The following PTPRD variants were observed in gnomAD, a reference collection of about 807,000 sequenced individuals.
The protein encoded by PTPRD is protein tyrosine phosphatase receptor type D.
In PTPRD, 34 loss-of-function variants were observed where a neutral mutation model predicts 214.5. The ratio of observed to expected loss-of-function variants is 0.16; its 90% CI spans 0.12 to 0.21. PTPRD has a LOEUF of 0.21. Ranked by LOEUF, PTPRD falls within the 10% of genes least tolerant of loss-of-function variation. The probability of loss-of-function intolerance (pLI) is 1.00; values close to 1 mark genes in which losing one functional copy is unlikely to be tolerated. For synonymous variants in PTPRD, 1,128 were observed against 845.7 expected, an observed-to-expected ratio of 1.33 and a Z score of -5.79; for missense variants, 2,545 against 2,398.7, an observed-to-expected ratio of 1.06 and a Z score of -1.27.
chr9:8,827,524 T>C (rs144400725), intron 11 of PTPRD, among the ~76,000 whole-genome samples: 2 of 152,154 alleles, frequency 1.3e-5, no homozygotes, highest in African/African-American at 2.4e-5. Flanking sequence ...CAAGAATCAC[T>C]TGAACCCAGG....
At position 8,376,097 on chromosome 9, in the gene PTPRD, A is replaced by G. The variant is rs1450202774; in HGVS notation, c.4507-7T>C. On this transcript the variant is annotated splice_polypyrimidine_tract_variant and splice_region_variant and intron_variant, in intron 38 of 45. Coordinates refer to ENST00000381196, the MANE Select transcript of PTPRD (RefSeq NM_002839.4). ...TCTTCTCACTTGAACCATTCTGTGA[A>G]ATAGGAATATCAGCTGAAATTCTGT... The G allele has an allele frequency of 6.2e-7, 1 of 1,611,686 alleles. No individual in the cohort carries two copies. The highest frequency in any genetic ancestry group is 2.2e-5 in the East Asian group (1 of 44,840).
chr9:8,645,049 G>T (rs1021857976), intron 12 of PTPRD, among the ~76,000 whole-genome samples: 1 of 152,192 alleles, frequency 6.6e-6, no homozygotes, highest in South Asian at 2.1e-4. Flanking sequence ...TATAAAGATT[G>T]CACAGATAAT....
chr9:9,242,150 T>C (rs1336614837), intron 9 of PTPRD, among the ~76,000 whole-genome samples: 1 of 152,192 alleles, frequency 6.6e-6, no homozygotes, highest in Non-Finnish European at 1.5e-5. Flanking sequence ...AATTCTTTCC[T>C]TTAAGAATGT....
intron 37 of PTPRD, among the ~76,000 whole-genome samples, chr9:8,377,179 A>G (rs2083495444): frequency 6.6e-6 from 1 of 152,160 alleles, no homozygotes; most frequent in South Asian, 2.1e-4. Flanking sequence ...AAAAGTAGAA[A>G]TAATTGGAAA....
intron 8 of PTPRD, among the ~76,000 whole-genome samples, chr9:9,434,863 C>A (rs2084596682): frequency 6.8e-6 from 1 of 148,144 alleles, no homozygotes; most frequent in African/African-American, 2.5e-5. Flanking sequence ...AATATATAAT[C>A]TATAATATAT....
Position 9,173,361 on chromosome 9 carries a change from T to A in PTPRD, c.-143+9943A>T, listed in dbSNP as rs185710321. Among the ~76,000 whole-genome samples the A allele has an allele frequency of 2.4e-3, 364 of 152,284 alleles. 2 individuals carry two copies. The highest frequency in any genetic ancestry group is 2.9e-3 in the South Asian group (14 of 4,828). ...AACTTCCATTCTGTGTAGCTGGGTG[T>A]CTATTCGGATGGGTTGGTATCCATT... On this transcript the variant is annotated intron_variant, in intron 10 of 45. Coordinates refer to ENST00000381196, the MANE Select transcript of PTPRD (RefSeq NM_002839.4).
chr9:8,667,433 T>G (rs1373325025), intron 12 of PTPRD, among the ~76,000 whole-genome samples: 1 of 152,182 alleles, frequency 6.6e-6, no homozygotes, highest in Non-Finnish European at 1.5e-5. Flanking sequence ...ATGTACTGGT[T>G]AAGCTTCCCT....
At chr9:10,396,387 AGGATCTATTGGCCTATT>A (rs1375395573) in intron 2 of PTPRD, among the ~76,000 whole-genome samples, 2 of 151,974 alleles carry the variant, frequency 1.3e-5, no homozygotes, top group African/African-American at 4.8e-5. Flanking sequence ...GTAATTCTTC[AGGATCTATTGGCCTATT>A]GGACTCAAAC....
rs865822649 is a variant in PTPRD, at chr9:8,496,207, C to A, written c.2349+1035G>T. ...ACACACACACACACACACACACACA[C>A]ACAAACACACACACACACACACACT... is the stretch of plus-strand genomic sequence containing the variant. On this transcript the variant is annotated intron_variant, in intron 26 of 45. Coordinates refer to ENST00000381196, the MANE Select transcript of PTPRD (RefSeq NM_002839.4). Among the ~76,000 whole-genome samples, 872 of 123,144 alleles carry A rather than the reference C, an allele frequency of 7.1e-3. 7 individuals are homozygous for A. The highest frequency in any genetic ancestry group is 0.02 in the African/African-American group (713 of 35,610). 80.8% of individuals were successfully genotyped at this position (123,144 alleles called of 152,430 possible).
chr9:8,817,776 C>A (rs529409008), intron 11 of PTPRD, among the ~76,000 whole-genome samples: 120 of 152,326 alleles, frequency 7.9e-4, no homozygotes, highest in African/African-American at 2.7e-3. Flanking sequence ...TAACAACCAT[C>A]TTAAATTTCA....
intron 5 of PTPRD, among the ~76,000 whole-genome samples, chr9:9,850,130 T>C (rs2060264201): frequency 6.6e-6 from 1 of 152,148 alleles, no homozygotes; most frequent in African/African-American, 2.4e-5. Context: ...GATTTAACTT[T>C]AGACCAAAAA....
chr9:9,143,557 A>G (rs1020883337), intron 10 of PTPRD, among the ~76,000 whole-genome samples: 3 of 152,304 alleles, frequency 2.0e-5, no homozygotes, highest in African/African-American at 7.2e-5. Context: ...AATCATAGTA[A>G]TTTTTAAAGA....
chr9:9,226,556 A>T (rs887949868), intron 9 of PTPRD, among the ~76,000 whole-genome samples: 2 of 151,988 alleles, frequency 1.3e-5, no homozygotes, highest in African/African-American at 4.8e-5. Context: ...GAGGTTAAAA[A>T]TATAAAAATG....
intron 7 of PTPRD, among the ~76,000 whole-genome samples, chr9:9,672,010 C>T (rs751069340): frequency 6.6e-6 from 1 of 152,156 alleles, no homozygotes; most frequent in Non-Finnish European, 1.5e-5. Flanking sequence ...AACATCACAA[C>T]TTGTCAGGGA....
chr9:9,985,963 T>C (rs1420444817), intron 4 of PTPRD, among the ~76,000 whole-genome samples: 2 of 152,118 alleles, frequency 1.3e-5, no homozygotes, highest in African/African-American at 4.8e-5. Context: ...AGAAAATTCA[T>C]TTTACTCATT....
intron 3 of PTPRD, among the ~76,000 whole-genome samples, chr9:10,180,361 C>T (rs531917753): frequency 2.0e-5 from 3 of 152,076 alleles, no homozygotes; most frequent in African/African-American, 4.8e-5. Flanking sequence ...AACTTCCTCC[C>T]TTTCATCACT....
At chr9:8,448,187 A>G (rs1040420155) in intron 34 of PTPRD, among the ~76,000 whole-genome samples, 1 of 151,720 alleles carries the variant, frequency 6.6e-6, no homozygotes. Context: ...AATTGTCTGG[A>G]TGTGGTGGCG....
At chr9:8,598,487 T>C (rs961550306) in intron 14 of PTPRD, among the ~76,000 whole-genome samples, 19 of 149,926 alleles carry the variant, frequency 1.3e-4, no homozygotes, top group African/African-American at 1.0e-4. Flanking sequence ...AATAAATAAA[T>C]AAACAAATAA....
chr9:10,305,889 A>C (rs1259814264), intron 3 of PTPRD, among the ~76,000 whole-genome samples: 1 of 152,136 alleles, frequency 6.6e-6, no homozygotes, highest in Non-Finnish European at 1.5e-5. Flanking sequence ...CTAGAACTAG[A>C]AATACCATTT....
Sources: gnomAD v4.1 joint callset for allele counts (sites outside exome capture counted in the v4.1 genomes callset) on GRCh38, gnomAD v4.1.1 for gene constraint, MANE v1.5 for transcripts, NCBI Gene and HGNC (gene_info 2026-07-23, HGNC 2026-07-21) for gene names.